Variants in SCML2 observed in about 807,000 individuals in gnomAD.
SCML2 encodes the protein Scm polycomb group protein like 2, also known as sex comb on midleg-like protein 2.
SCML2 carries 6 observed loss-of-function variants against 48.4 expected under a neutral mutation model. The observed-to-expected ratio is 0.12, with a 90% CI of 0.07 to 0.24. The LOEUF (loss-of-function observed/expected upper bound fraction) is 0.24, where lower values mean the gene tolerates loss of function less well. Among genes scored for constraint, SCML2 ranks in the 10% least tolerant of loss-of-function variants. The probability of loss-of-function intolerance (pLI) is 1.00; values close to 1 mark genes in which losing one functional copy is unlikely to be tolerated. For synonymous variants in SCML2, 181 were observed against 189.5 expected, an observed-to-expected ratio of 0.95 and a Z score of 0.37; for missense variants, 377 against 528.2, an observed-to-expected ratio of 0.71 and a Z score of 2.81.
rs1243889445 is a variant in SCML2 at position 18,258,226 on chromosome X, T to C, written c.1091A>G (p.His364Arg). ...ATCCAGATGAGGGCCAAAGTTTCCA[T>C]GTTTGTTTACATAGACACAGACTTG... ...MSTVCVYVNKHGNFGPHLDPK... is the reference protein window; with the variant it reads ...MSTVCVYVNKRGNFGPHLDPK... Residue 364 changes from histidine (H) to arginine (R), a missense_variant, in exon 10 of 15, where the codon CAT becomes CGT. By Grantham distance (29) the His-to-Arg change is conservative (BLOSUM62 0). Transcript: ENST00000251900. 2 of 1,210,783 alleles carry C rather than the reference T, an allele frequency of 1.7e-6. No homozygotes were observed. Among genetic ancestry groups the C allele is most frequent in the Non-Finnish European group, 2.2e-6 (2 of 894,599 alleles).
At chrX:18,262,429 C>T (rs1005589845) in intron 8 of SCML2, among the ~76,000 whole-genome samples, 6 of 103,337 alleles carry the variant, frequency 5.8e-5, no homozygotes, top group Non-Finnish European at 1.2e-4. Context: ...CAACCTCCAC[C>T]TCCTGGGTTC....
Position 18,240,871 on chromosome X carries a change from T to C in SCML2, c.*380A>G, listed in dbSNP as rs1209949537. On this transcript the variant is annotated 3_prime_UTR_variant, in exon 15 of 15. Transcript: ENST00000251900. Reference sequence around the variant, plus strand: ...TCCCTGATATTTTCCCCTTTGGGATTTAGCTGTTTTGGTTCTAGATATAAA... The same window carrying C: ...TCCCTGATATTTTCCCCTTTGGGATCTAGCTGTTTTGGTTCTAGATATAAA... 2.6e-5 allele frequency: 3 copies of C among 113,438 alleles called. No homozygotes were observed. The Admixed American group carries it at 2.8e-4, about 11-fold the overall frequency. 9.3% of individuals were successfully genotyped at this position (113,438 alleles called of 1,213,427 possible). A position where few individuals can be genotyped will look rare whatever the true frequency, so the allele number is the denominator to read the frequency against.
At chrX:18,313,006 TGC>T (rs1206278211) in intron 6 of SCML2, among the ~76,000 whole-genome samples, 9 of 95,593 alleles carry the variant, frequency 9.4e-5, no homozygotes, top group African/African-American at 3.0e-4. Flanking sequence ...TGTGTGTGTG[TGC>T]GCGTGTGTGT....
chrX:18,291,565 T>C (rs1455281224), intron 7 of SCML2, among the ~76,000 whole-genome samples: 1 of 112,021 alleles, frequency 8.9e-6, no homozygotes, highest in Non-Finnish European at 1.9e-5. Flanking sequence ...GGAGCATTCA[T>C]AGATGCCTCG....
intron 7 of SCML2, among the ~76,000 whole-genome samples, chrX:18,274,426 A>G (rs916871872): frequency 7.1e-5 from 8 of 112,381 alleles, no homozygotes; most frequent in African/African-American, 2.6e-4. Context: ...TCCTGCTTCA[A>G]TAACCTCTCA....
chrX:18,279,707 A>C (rs899116692), intron 7 of SCML2, among the ~76,000 whole-genome samples: 2 of 112,255 alleles, frequency 1.8e-5, no homozygotes, highest in African/African-American at 6.5e-5. Context: ...CACTACAAGA[A>C]TTTCATAATA....
chrX:18,327,732 G>A (rs1156567837), intron 3 of SCML2, among the ~76,000 whole-genome samples: 1 of 111,553 alleles, frequency 9.0e-6, no homozygotes, highest in Admixed American at 9.6e-5. Context: ...CCTCAGGTTC[G>A]TTGGTTTTTG....
At chrX:18,333,545 C>T (rs928802945) in intron 2 of SCML2, among the ~76,000 whole-genome samples, 1 of 112,137 alleles carries the variant, frequency 8.9e-6, no homozygotes. Context: ...CAAGAGACTA[C>T]ACTAAACTGA....
chrX:18,299,006 G>A (rs1928489206), intron 7 of SCML2, among the ~76,000 whole-genome samples: 1 of 111,293 alleles, frequency 9.0e-6, no homozygotes, highest in African/African-American at 3.3e-5. Context: ...TTATGGCTAA[G>A]ACCTCAAAAG....
chrX:18,350,637 G>A (rs1197767686), intron 1 of SCML2, among the ~76,000 whole-genome samples: 1 of 108,210 alleles, frequency 9.2e-6, no homozygotes, highest in Non-Finnish European at 1.9e-5. Context: ...CCCAGCAACT[G>A]GGAAGGCTGA....
At chrX:18,284,025 C>G (rs758125642) in intron 7 of SCML2, among the ~76,000 whole-genome samples, 2 of 111,603 alleles carry the variant, frequency 1.8e-5, no homozygotes, top group East Asian at 2.8e-4. Context: ...TCACACTACC[C>G]AACTTTAAAC....
At chrX:18,275,415 G>A (rs778426129) in intron 7 of SCML2, among the ~76,000 whole-genome samples, 1 of 112,472 alleles carries the variant, frequency 8.9e-6, no homozygotes, top group African/African-American at 3.2e-5. Context: ...TACCAGCTCT[G>A]TAAAATTCTA....
At chrX:18,286,640 T>C (rs1928062950) in intron 7 of SCML2, among the ~76,000 whole-genome samples, 1 of 111,195 alleles carries the variant, frequency 9.0e-6, no homozygotes, top group African/African-American at 3.3e-5. Context: ...TAGTCAGACA[T>C]CCCTCCCACA....
At chrX:18,326,696 A>G (rs1344007037) in intron 3 of SCML2, among the ~76,000 whole-genome samples, 2 of 109,134 alleles carry the variant, frequency 1.8e-5, no homozygotes, top group Non-Finnish European at 3.8e-5. Context: ...AAAAAAAAAA[A>G]AGAATGTGGG....
intron 8 of SCML2, among the ~76,000 whole-genome samples, chrX:18,263,247 C>A (rs1927139278): frequency 9.0e-6 from 1 of 110,556 alleles, no homozygotes. Flanking sequence ...ATGGTGAAAT[C>A]TTGCAATGAT....
At chrX:18,319,701 G>A (rs1425563404) in intron 6 of SCML2, among the ~76,000 whole-genome samples, 7 of 110,579 alleles carry the variant, frequency 6.3e-5, no homozygotes, top group Admixed American at 4.8e-4. Context: ...CTATTGTTAC[G>A]AATTTAATTG....
intron 7 of SCML2, among the ~76,000 whole-genome samples, chrX:18,268,101 A>G (rs1927318624): frequency 8.9e-6 from 1 of 112,379 alleles, no homozygotes; most frequent in Admixed American, 9.4e-5. Context: ...CTGATTTCCA[A>G]GTATGTTTCC....
intron 7 of SCML2, among the ~76,000 whole-genome samples, chrX:18,299,881 G>C (rs1217105197): frequency 1.8e-5 from 2 of 109,944 alleles, no homozygotes; most frequent in Non-Finnish European, 3.8e-5. Context: ...TAGGACTATA[G>C]GCACGTATCA....
At chrX:18,258,006 G>T (rs752790943) in intron 10 of SCML2, 38 bp downstream of exon 10, 2 of 708,304 alleles carry the variant, frequency 2.8e-6, no homozygotes, top group Non-Finnish European at 4.0e-6. Context: ...AGGGAAGGGG[G>T]AAGGGACTGA....
Sources: allele counts gnomAD v4.1 joint callset (sites outside exome capture counted in the v4.1 genomes callset), GRCh38; gene constraint gnomAD v4.1.1; transcripts MANE v1.5; gene names NCBI Gene and HGNC (gene_info 2026-07-23, HGNC 2026-07-21).